RERE: variants seen among roughly 807,000 people sequenced by gnomAD.
The protein encoded by RERE is arginine-glutamic acid dipeptide repeats protein.
Under a neutral mutation model 146.1 loss-of-function variants are expected in RERE, and 40 were observed. That is an observed-to-expected ratio of 0.27 (90% CI 0.21 to 0.36). The LOEUF (loss-of-function observed/expected upper bound fraction) is 0.36, where lower values mean the gene tolerates loss of function less well. Among genes scored for constraint, RERE ranks in the 10% least tolerant of loss-of-function variants. The pLI, the probability that RERE is intolerant of heterozygous loss-of-function variation, is 1.00. For missense variants in RERE, 1,933 were observed against 2,138.7 expected (o/e 0.90, Z 1.90); for synonymous variants, 1,003 against 866.0 (o/e 1.16, Z -2.78).
In RERE at chr1:8,354,823, A is replaced by T; in HGVS notation, c.*264T>A. 2.1e-6 allele frequency: 1 copy of T among 474,430 alleles called. No homozygotes were observed. The highest frequency in any genetic ancestry group is 3.7e-6 in the Non-Finnish European group (1 of 271,806). The allele number at this position is 474,430 out of a possible 1,614,324, so 29.4% of individuals were successfully genotyped here. A position where few individuals can be genotyped will look rare whatever the true frequency, so the allele number is the denominator to read the frequency against. The stretch of plus-strand genomic sequence containing the variant: ...AAGCCAAACCCCAAGATTGCAGGGA[A>T]GCTTTCTGGATGTTCAGTCCAGTCC... On this transcript the variant is annotated 3_prime_UTR_variant, in exon 23 of 23. Coordinates refer to ENST00000400908, the MANE Select transcript of RERE (RefSeq NM_001042681.2).
chr1:8,496,680 C>T (rs575590926), intron 9 of RERE, among the ~76,000 whole-genome samples: 1 of 152,132 alleles, frequency 6.6e-6, no homozygotes, highest in South Asian at 2.1e-4. Flanking sequence ...CTGTGGTGCC[C>T]GCTCTGTGCC....
rs747089907 is a variant in RERE at position 8,362,786 on chromosome 1, G to C, written c.1799C>G (p.Ser600Ter). 8.7e-6 allele frequency: 14 copies of C among 1,614,078 alleles called. No homozygotes were observed. The highest frequency in any genetic ancestry group is 1.3e-5 in the African/African-American group (1 of 74,932). Residue 600 changes from serine (S) to a stop codon, truncating the protein, a stop_gained, in exon 16 of 23, where the codon TCA (serine) becomes TGA (stop). Transcript: ENST00000400908. LOFTEE classifies it high-confidence loss of function. ...KQPASPDGRT[S>*]PINEDIRSSG... The stretch of plus-strand genomic sequence containing the variant: ...GGAGCGGATGTCTTCATTGATGGGT[G>C]AGGTGCGACCATCAGGGCTGGCTGG...
chr1:8,443,969 G>C (rs1480790307), intron 11 of RERE, among the ~76,000 whole-genome samples: 5 of 152,240 alleles, frequency 3.3e-5, no homozygotes, highest in African/African-American at 1.2e-4. Context: ...CTCTACTAGG[G>C]CAGTGTAGAG....
chr1:8,778,804 C>G (rs974572343), intron 1 of RERE, among the ~76,000 whole-genome samples: 1 of 151,626 alleles, frequency 6.6e-6, no homozygotes, highest in Non-Finnish European at 1.5e-5. Context: ...CCACTGTGAC[C>G]TTGTCTCCCA....
chr1:8,522,383 G>T (rs902071086), intron 7 of RERE, among the ~76,000 whole-genome samples: 2 of 152,136 alleles, frequency 1.3e-5, no homozygotes, highest in African/African-American at 2.4e-5. Context: ...TGGCAAATGC[G>T]TCTTTGGTAT....
chr1:8,460,716 T>G (rs904847623), intron 11 of RERE, among the ~76,000 whole-genome samples: 6 of 152,200 alleles, frequency 3.9e-5, no homozygotes, highest in African/African-American at 1.4e-4. Context: ...TGTAGTAACA[T>G]GGTAAGCAAC....
At position 8,651,138 on chromosome 1, in the gene RERE, A is replaced by C. The variant is rs993872092; in HGVS notation, c.325+4835T>G. On this transcript the variant is annotated intron_variant, in intron 2 of 22. Transcript: ENST00000400908. ...ATTTAAAAACTAGTAATTTGGCCAG[A>C]TGCAGTGGCTCATACCTATAACCCC... Among the ~76,000 whole-genome samples the C allele has an allele frequency of 4.6e-5, 7 of 152,094 alleles. No homozygotes were observed. The East Asian group carries it at 1.4e-3, about 30-fold the overall frequency.
intron 6 of RERE, among the ~76,000 whole-genome samples, chr1:8,550,563 T>C (rs965392900): frequency 1.6e-4 from 25 of 152,184 alleles, no homozygotes; most frequent in African/African-American, 6.0e-4. Context: ...TTTGTTTTTT[T>C]TGAGACAGAG....
intron 1 of RERE, among the ~76,000 whole-genome samples, chr1:8,807,739 G>A (rs555793906): frequency 6.6e-6 from 1 of 152,174 alleles, no homozygotes; most frequent in Non-Finnish European, 1.5e-5. Context: ...TCTTGTTCTT[G>A]GTCATTTCAC....
At chr1:8,804,649 A>G (rs1641649396) in intron 1 of RERE, among the ~76,000 whole-genome samples, 1 of 152,216 alleles carries the variant, frequency 6.6e-6, no homozygotes, top group South Asian at 2.1e-4. Context: ...CAATTTCTGG[A>G]AAGTATCTTC....
In RERE at chr1:8,416,853, G is replaced by T. The variant is rs116233722; in HGVS notation, c.1284+5874C>A. Among the ~76,000 whole-genome samples the T allele has an allele frequency of 4.1e-3, 627 of 152,208 alleles. 3 individuals are homozygous for T. The highest frequency in any genetic ancestry group is 0.014 in the African/African-American group (596 of 41,522). ...CTTTACAGTACTTTGGAATCCTCTG[G>T]GGGGTCCGTTAAAATGCAGATTCTG... On this transcript the variant is annotated intron_variant, in intron 12 of 22. Transcript: ENST00000400908.
Position 8,360,789 on chromosome 1 carries a change from C to T in RERE, c.2718G>A (p.Ala906=), listed in dbSNP as rs774420326. The T allele has an allele frequency of 1.7e-5, 27 of 1,588,402 alleles. No homozygotes were observed. Among genetic ancestry groups the T allele is most frequent in the South Asian group, 5.6e-5 (5 of 89,796 alleles). Residue 906 remains alanine, a synonymous_variant, in exon 18 of 23, where the codon GCG becomes GCA. Coordinates refer to ENST00000400908, the MANE Select transcript of RERE (RefSeq NM_001042681.2). ...TSLQLPASQS[A]LQSQQPPREQ... is the part of the protein sequence containing the mutation. ...CCCGTGGAGGCTGTTGGGACTGCAGCGCTGACTGAGAGGCTGGCAGCTGCA... is the reference window on the plus strand; with the variant it reads ...CCCGTGGAGGCTGTTGGGACTGCAGTGCTGACTGAGAGGCTGGCAGCTGCA...
rs1276338601 is a variant in RERE at position 8,786,411 on chromosome 1, T to C, written c.-145+30749A>G. 9 of 871,290 alleles carry C rather than the reference T, an allele frequency of 1.0e-5. No individual in the cohort carries two copies. In the East Asian group the frequency reaches 1.2e-4, roughly 12 times the overall value. The allele number at this position is 871,290 out of a possible 1,614,324, so 54.0% of individuals were successfully genotyped here. On this transcript the variant is annotated intron_variant, in intron 1 of 22. Transcript: ENST00000400908. ...AGATGATGCCATATTTACCAAGAGA[T>C]AGAGCAATCAAAGCGTTATCTGTCA...
intron 4 of RERE, among the ~76,000 whole-genome samples, chr1:8,583,501 T>A (rs1416001412): frequency 6.6e-6 from 1 of 152,044 alleles, no homozygotes; most frequent in East Asian, 1.9e-4. Flanking sequence ...CCTGGTGGGG[T>A]TGCCCATGCC....
intron 4 of RERE, among the ~76,000 whole-genome samples, chr1:8,601,283 G>A (rs935432307): frequency 8.6e-5 from 13 of 152,028 alleles, no homozygotes; most frequent in African/African-American, 3.1e-4. Flanking sequence ...CTCCCAAAGT[G>A]CTGGGATTAC....
chr1:8,683,132 A>C (rs146254540), intron 1 of RERE, among the ~76,000 whole-genome samples: 7 of 151,886 alleles, frequency 4.6e-5, no homozygotes. Flanking sequence ...CAAATTATCC[A>C]TATTTTAGAT....
intron 11 of RERE, among the ~76,000 whole-genome samples, chr1:8,432,425 A>G (rs1348846412): frequency 1.3e-5 from 2 of 151,868 alleles, no homozygotes; most frequent in Non-Finnish European, 2.9e-5. Context: ...TGAGTGAACA[A>G]GGAGCACAGC....
At chr1:8,375,709 C>T (rs35917635) in intron 12 of RERE, among the ~76,000 whole-genome samples, 34 of 131,154 alleles carry the variant, frequency 2.6e-4, no homozygotes, top group African/African-American at 9.0e-4. Flanking sequence ...ACTGAAAATG[C>T]TTCCTCACTC....
intron 1 of RERE, among the ~76,000 whole-genome samples, chr1:8,717,147 TAATG>T (rs1233433738): frequency 6.6e-6 from 1 of 152,246 alleles, no homozygotes; most frequent in Non-Finnish European, 1.5e-5. Context: ...TCAAAAAACT[TAATG>T]AATTTTTAAA....
Sources: gnomAD v4.1 joint callset for allele counts (sites outside exome capture counted in the v4.1 genomes callset) on GRCh38, gnomAD v4.1.1 for gene constraint, MANE v1.5 for transcripts, NCBI Gene and HGNC (gene_info 2026-07-23, HGNC 2026-07-21) for gene names.